Variants in IARS1 observed in about 807,000 individuals in gnomAD.
The protein encoded by IARS1 is isoleucyl-tRNA synthetase 1.
A neutral mutation model predicts 168.2 loss-of-function variants in IARS1; 124 were observed. That is an observed-to-expected ratio of 0.74 (90% CI 0.64 to 0.86). The LOEUF (loss-of-function observed/expected upper bound fraction) is 0.86, where lower values mean the gene tolerates loss of function less well. IARS1 is among the 40% of genes least tolerant of loss of function. The probability of loss-of-function intolerance (pLI) is 0.00; values close to 1 mark genes in which losing one functional copy is unlikely to be tolerated. For missense variants in IARS1, 1,452 were observed against 1,515.8 expected, an observed-to-expected ratio of 0.96 and a Z score of 0.70; for synonymous variants, 532 against 529.4, an observed-to-expected ratio of 1.00 and a Z score of -0.07.
chr9:92,271,720 T>TA (rs1165243062), intron 10 of IARS1, 65 bp from the exon 11 acceptor site: 2 of 1,525,514 alleles, frequency 1.3e-6, no homozygotes, highest in East Asian at 2.3e-5. Context: ...CATGAGGTAA[T>TA]AGATTCCCAA....
chr9:92,249,063 G>T (rs550161841), intron 25 of IARS1, among the ~76,000 whole-genome samples: 18 of 152,280 alleles, frequency 1.2e-4, no homozygotes, highest in African/African-American at 3.9e-4. Flanking sequence ...CAAAGCTTTT[G>T]TTTGTAATCA....
At chr9:92,280,487 G>A (rs964650409) in intron 7 of IARS1, among the ~76,000 whole-genome samples, 3 of 151,848 alleles carry the variant, frequency 2.0e-5, no homozygotes, top group Non-Finnish European at 4.4e-5. Flanking sequence ...ACAGGGGCAT[G>A]GTGTGGAAAA....
intron 6 of IARS1, among the ~76,000 whole-genome samples, chr9:92,284,132 G>A (rs866453106): frequency 6.6e-6 from 1 of 152,170 alleles, no homozygotes; most frequent in African/African-American, 2.4e-5. Context: ...AGCCGAGATC[G>A]TGCCACTGCA....
rs1832958765 is a variant in IARS1 at position 92,271,075 on chromosome 9, T to A, written c.1115A>T (p.Asp372Val). 1 of 1,590,704 alleles carries A rather than the reference T, an allele frequency of 6.3e-7. No individual in the cohort carries two copies. The highest frequency in any genetic ancestry group is 8.6e-7 in the Non-Finnish European group (1 of 1,168,186). Residue 372 changes from aspartate (D) to valine (V), a missense_variant and splice_region_variant, in exon 12 of 34, where the codon GAT (aspartate) becomes GTT (valine). Asp to Val is a radical substitution (Grantham distance 152). Transcript: ENST00000443024. ...VTDFAGQYVK[D>V]ADKSIIRTLK... is the part of the protein sequence containing the mutation. ...AGTCCTGATGATACTTTTGTCAGCA[T>A]CCTATTAAAAAAAATTAAAATTTAG...
intron 2 of IARS1, 125 bp from the exon 3 acceptor site, chr9:92,288,407 A>G: frequency 2.6e-6 from 2 of 783,318 alleles, no homozygotes; most frequent in African/African-American, 1.8e-5. Flanking sequence ...GGAAACCGAC[A>G]GACATAATTG....
At chr9:92,263,219 ACTGT>A (rs749279760) in intron 16 of IARS1, among the ~76,000 whole-genome samples, 164 bp from the exon 17 acceptor site, 3 of 152,234 alleles carry the variant, frequency 2.0e-5, no homozygotes, top group Admixed American at 6.5e-5. Flanking sequence ...CAATCAAATT[ACTGT>A]CTAAGATTTG....
At chr9:92,276,971 T>C (rs1833860232) in intron 9 of IARS1, among the ~76,000 whole-genome samples, 1 of 152,216 alleles carries the variant, frequency 6.6e-6, no homozygotes, top group African/African-American at 2.4e-5. Flanking sequence ...TTAAAACACC[T>C]GCCTCATTAA....
chr9:92,272,593 T>C (rs1833209652), intron 10 of IARS1, among the ~76,000 whole-genome samples: 1 of 152,204 alleles, frequency 6.6e-6, no homozygotes, highest in African/African-American at 2.4e-5. Context: ...CTCACGCCTG[T>C]AACCCCAGCA....
chr9:92,242,185 G>T lies in IARS1; in HGVS notation c.3146C>A (p.Ser1049Ter). 2 of 1,614,008 alleles carry T rather than the reference G, an allele frequency of 1.2e-6. No homozygotes were observed. Among genetic ancestry groups the T allele is most frequent in the Non-Finnish European group, 1.7e-6 (2 of 1,179,896 alleles). ...APLKPYPVSP[S>*]DKVLIQEKTQ... The stretch of plus-strand genomic sequence containing the variant: ...TTTTTCTTGAATAAGGACTTTATCC[G>T]ATGGAGAAACTGGATATGGTTTCAA... The change falls in exon 29 of 34, where the codon TCG becomes TAG. Residue 1049 changes from serine (S) to a stop codon, truncating the protein, a stop_gained. Coordinates refer to ENST00000443024, the MANE Select transcript of IARS1 (RefSeq NM_002161.6). LOFTEE classifies it high-confidence loss of function.
At chr9:92,285,681 A>G in intron 6 of IARS1, 41 bp downstream of exon 6, 1 of 1,293,462 alleles carries the variant, frequency 7.7e-7, no homozygotes, top group Non-Finnish European at 1.1e-6. Flanking sequence ...GCTTCCACCT[A>G]CAAAACTCAA....
chr9:92,243,352 G>T, intron 27 of IARS1, 41 bp from the exon 28 acceptor site: 1 of 1,356,966 alleles, frequency 7.4e-7, no homozygotes, highest in South Asian at 1.2e-5. Context: ...ATCAAATAAG[G>T]AGAAACACTT....
chr9:92,212,838 G>A (rs781551240), intron 33 of IARS1, among the ~76,000 whole-genome samples: 2 of 152,182 alleles, frequency 1.3e-5, no homozygotes, highest in Non-Finnish European at 2.9e-5. Context: ...GAAGGATCTT[G>A]TGTGGAAGGG....
At chr9:92,220,604 A>T (rs557846498) in intron 33 of IARS1, among the ~76,000 whole-genome samples, 1 of 151,882 alleles carries the variant, frequency 6.6e-6, no homozygotes, top group East Asian at 1.9e-4. Flanking sequence ...GGGCAACAAG[A>T]GTGAAACTCT....
At chr9:92,220,179 A>G (rs1839436930) in intron 33 of IARS1, among the ~76,000 whole-genome samples, 1 of 148,614 alleles carries the variant, frequency 6.7e-6, no homozygotes, top group Non-Finnish European at 1.5e-5. Context: ...CAAAAAACCA[A>G]ACACTGCATA....
At chr9:92,250,685 G>A (rs750737384) in intron 23 of IARS1, 28 bp downstream of exon 23, 3 of 1,573,588 alleles carry the variant, frequency 1.9e-6, no homozygotes, top group East Asian at 4.5e-5. Flanking sequence ...CTTGGCACAG[G>A]TGAGGCTTAT....
intron 1 of IARS1, among the ~76,000 whole-genome samples, chr9:92,291,253 G>A (rs7873932): frequency 0.48 from 72,181 of 151,748 alleles, 20,672 homozygotes; most frequent in African/African-American, 0.81. Flanking sequence ...TGCTAATAAG[G>A]GAACAACAGA....
intron 10 of IARS1, among the ~76,000 whole-genome samples, chr9:92,272,515 C>T (rs1422973829): frequency 2.0e-5 from 3 of 152,208 alleles, no homozygotes; most frequent in African/African-American, 7.2e-5. Context: ...AAACACTACC[C>T]TTGCCTGGTG....
intron 33 of IARS1, among the ~76,000 whole-genome samples, chr9:92,213,690 T>C (rs1005602406): frequency 3.3e-5 from 5 of 152,194 alleles, no homozygotes; most frequent in African/African-American, 9.7e-5. Flanking sequence ...TTGTGGAAAT[T>C]TGTTGCAGCA....
intron 28 of IARS1, chr9:92,242,992 T>C: frequency 2.3e-6 from 1 of 438,150 alleles, no homozygotes; most frequent in Non-Finnish European, 4.3e-6. Flanking sequence ...AAAAAAAGGA[T>C]GGGAAAAGGC....
Sources: allele counts gnomAD v4.1 joint callset (sites outside exome capture counted in the v4.1 genomes callset), GRCh38; gene constraint gnomAD v4.1.1; transcripts MANE v1.5; gene names NCBI Gene and HGNC (gene_info 2026-07-23, HGNC 2026-07-21).